SH3GL2: variants seen among roughly 807,000 people sequenced by gnomAD.
SH3GL2 encodes endophilin-A1.
Under a neutral mutation model 46.0 loss-of-function variants are expected in SH3GL2, and 24 were observed. The observed-to-expected ratio is 0.52, with a 90% CI of 0.38 to 0.73. SH3GL2 has a LOEUF of 0.73. SH3GL2 is among the 30% of genes least tolerant of loss of function. SH3GL2 has a pLI of 0.00. For synonymous variants in SH3GL2, 196 were observed against 147.1 expected, an observed-to-expected ratio of 1.33 and a Z score of -2.40; for missense variants, 413 against 424.2, an observed-to-expected ratio of 0.97 and a Z score of 0.23.
At chr9:17,744,369 ATTT>A (rs10671259) in intron 1 of SH3GL2, among the ~76,000 whole-genome samples, 2 of 144,470 alleles carry the variant, frequency 1.4e-5, no homozygotes, top group African/African-American at 2.5e-5. Context: ...GGCACTTGAA[ATTT>A]TTTTTTTTTT....
intron 2 of SH3GL2, among the ~76,000 whole-genome samples, chr9:17,753,613 A>G (rs996300983): frequency 2.6e-5 from 4 of 151,998 alleles, no homozygotes; most frequent in Non-Finnish European, 5.9e-5. Context: ...ATTTTCTCTC[A>G]TTCTATAGCT....
At position 17,761,525 on chromosome 9, in the gene SH3GL2, A is replaced by G. The variant is rs755692418; in HGVS notation, c.187+16A>G. The G allele has an allele frequency of 4.2e-6, 6 of 1,445,636 alleles. No homozygotes were observed. Among genetic ancestry groups the G allele is most frequent in the Non-Finnish European group, 5.8e-6 (6 of 1,026,338 alleles). The allele number at this position is 1,445,636 out of a possible 1,614,324, so 89.6% of individuals were successfully genotyped here. ...CCCAATCCAGGTAAGGCATCATCTTATATGTTTAAAGGATCCCTCGAGGTA... is the reference window on the plus strand; with the variant it reads ...CCCAATCCAGGTAAGGCATCATCTTGTATGTTTAAAGGATCCCTCGAGGTA... On this transcript the variant is annotated intron_variant, in intron 3 of 8. Coordinates refer to ENST00000380607, the MANE Select transcript of SH3GL2 (RefSeq NM_003026.5).
chr9:17,715,303 A>G (rs1821723238), intron 1 of SH3GL2, among the ~76,000 whole-genome samples: 1 of 148,816 alleles, frequency 6.7e-6, no homozygotes, highest in Admixed American at 6.7e-5. Context: ...TAATTTGCCT[A>G]GTGTTTCTTG....
chr9:17,736,647 C>A (rs546077198), intron 1 of SH3GL2, among the ~76,000 whole-genome samples: 4 of 152,240 alleles, frequency 2.6e-5, no homozygotes, highest in African/African-American at 9.6e-5. Context: ...ACTGACTATA[C>A]TGAGGTGTGA....
intron 2 of SH3GL2, among the ~76,000 whole-genome samples, chr9:17,759,634 C>G (rs576770356): frequency 6.6e-6 from 1 of 152,042 alleles, no homozygotes; most frequent in Non-Finnish European, 1.5e-5. Flanking sequence ...AGAACAGTTT[C>G]TGACAAACAG....
At chr9:17,650,637 G>A (rs572532407) in intron 1 of SH3GL2, among the ~76,000 whole-genome samples, 5 of 152,320 alleles carry the variant, frequency 3.3e-5, no homozygotes, top group East Asian at 1.9e-4. Flanking sequence ...GATTACAGGC[G>A]TGAGTCACCA....
chr9:17,690,178 C>T (rs1221838019), intron 1 of SH3GL2, among the ~76,000 whole-genome samples: 3 of 152,122 alleles, frequency 2.0e-5, no homozygotes, highest in Non-Finnish European at 2.9e-5. Flanking sequence ...TCTACACCCC[C>T]ACAATATCTA....
chr9:17,633,458 C>A (rs1439146362), intron 1 of SH3GL2, among the ~76,000 whole-genome samples: 2 of 152,166 alleles, frequency 1.3e-5, no homozygotes, highest in Non-Finnish European at 2.9e-5. Flanking sequence ...GATCTAGGTA[C>A]TGCACAAGTG....
At chr9:17,781,925 C>T (rs954908138) in intron 3 of SH3GL2, among the ~76,000 whole-genome samples, 1 of 152,208 alleles carries the variant, frequency 6.6e-6, no homozygotes, top group Non-Finnish European at 1.5e-5. Flanking sequence ...CTCACCCACA[C>T]TCTGCCTCAC....
At chr9:17,654,777 G>T (rs531951552) in intron 1 of SH3GL2, among the ~76,000 whole-genome samples, 2 of 152,296 alleles carry the variant, frequency 1.3e-5, no homozygotes, top group Admixed American at 1.3e-4. Context: ...CGTGACAGAA[G>T]TGTAATACCC....
intron 1 of SH3GL2, among the ~76,000 whole-genome samples, chr9:17,719,668 C>T (rs959535903): frequency 1.6e-4 from 25 of 151,852 alleles, no homozygotes; most frequent in African/African-American, 4.6e-4. Context: ...TGGCATGCAC[C>T]TGTGGTCCTG....
chr9:17,702,970 C>G (rs1588256030), intron 1 of SH3GL2, among the ~76,000 whole-genome samples: 1 of 152,028 alleles, frequency 6.6e-6, no homozygotes, highest in Admixed American at 6.6e-5. Flanking sequence ...CTTGCTCTGA[C>G]CTGAAAGAAG....
intron 3 of SH3GL2, 101 bp downstream of exon 3, chr9:17,761,610 C>G (rs1170493867): frequency 1.2e-6 from 1 of 820,370 alleles, no homozygotes; most frequent in Non-Finnish European, 2.2e-6. Flanking sequence ...TTTGGTGTTG[C>G]TTCCTCGGTC....
intron 1 of SH3GL2, among the ~76,000 whole-genome samples, chr9:17,745,522 C>A (rs1003446892): frequency 6.6e-6 from 1 of 152,080 alleles, no homozygotes; most frequent in Non-Finnish European, 1.5e-5. Context: ...CATATTTCTC[C>A]TATTTCTACT....
At chr9:17,789,916 T>A in intron 6 of SH3GL2, 1 of 269,442 alleles carries the variant, frequency 3.7e-6, no homozygotes, top group East Asian at 1.8e-4. Context: ...TGAGCACATA[T>A]CAATTTTGCA....
In SH3GL2 at chr9:17,658,613, A is replaced by G. The variant is rs116943816; in HGVS notation, c.45+79326A>G. On this transcript the variant is annotated intron_variant, in intron 1 of 8. Coordinates refer to ENST00000380607, the MANE Select transcript of SH3GL2 (RefSeq NM_003026.5). ...GTGAGATTTCCTCTAGCAATTTTAA[A>G]CTTAAACTAGATGTTTATTCGAGGG... Among the ~76,000 whole-genome samples the G allele has an allele frequency of 1.2e-3, 189 of 152,388 alleles. 6 individuals carry two copies. In the East Asian group the frequency reaches 0.027, roughly 22 times the overall value.
chr9:17,676,557 G>A (rs1278330365), intron 1 of SH3GL2, among the ~76,000 whole-genome samples: 3 of 152,186 alleles, frequency 2.0e-5, no homozygotes, highest in South Asian at 2.1e-4. Flanking sequence ...AATGAGCTGA[G>A]ATTGCACCAC....
intron 1 of SH3GL2, among the ~76,000 whole-genome samples, chr9:17,745,055 A>C (rs4324999): frequency 0.16 from 25,075 of 152,076 alleles, 2,532 homozygotes; most frequent in African/African-American, 0.26. Context: ...ACTGCTTCTA[A>C]TTCTTCCTAG....
At chr9:17,736,303 T>G (rs1057451559) in intron 1 of SH3GL2, among the ~76,000 whole-genome samples, 3 of 152,140 alleles carry the variant, frequency 2.0e-5, no homozygotes, top group African/African-American at 7.2e-5. Flanking sequence ...ATTTTATACC[T>G]CAGACAGGAA....
Sources: gnomAD v4.1 joint callset for allele counts (sites outside exome capture counted in the v4.1 genomes callset) on GRCh38, gnomAD v4.1.1 for gene constraint, MANE v1.5 for transcripts, NCBI Gene and HGNC (gene_info 2026-07-23, HGNC 2026-07-21) for gene names.